ASCC2: variants seen among roughly 807,000 people sequenced by gnomAD.
The protein encoded by ASCC2 is ASC-1 complex subunit P100.
ASCC2 carries 42 observed loss-of-function variants against 93.5 expected under a neutral mutation model. The ratio of observed to expected loss-of-function variants is 0.45; its 90% CI spans 0.35 to 0.58. The LOEUF (loss-of-function observed/expected upper bound fraction) is 0.58, where lower values mean the gene tolerates loss of function less well. Ranked by LOEUF, ASCC2 falls within the 20% of genes least tolerant of loss-of-function variation. The pLI is 0.00. For synonymous variants in ASCC2, 364 were observed against 384.2 expected (o/e 0.95, Z 0.62); for missense variants, 859 against 977.6 (o/e 0.88, Z 1.62).
chr22:29,830,208 G>A (rs1302182933), intron 2 of ASCC2, among the ~76,000 whole-genome samples: 2 of 152,102 alleles, frequency 1.3e-5, no homozygotes, highest in African/African-American at 4.8e-5. Context: ...TCATTCACAG[G>A]CATCTCATTT....
chr22:29,821,958 C>G (rs1318933116), intron 5 of ASCC2: 2 of 449,864 alleles, frequency 4.4e-6, no homozygotes, highest in Non-Finnish European at 8.9e-6. Flanking sequence ...ATGATTGCGC[C>G]ACTGCACTCT....
In ASCC2 at chr22:29,825,177, G is replaced by A. The variant is rs2062140153; in HGVS notation, c.321C>T (p.Ala107=). Residue 107 remains alanine, a synonymous_variant, in exon 4 of 20, where the codon GCC becomes GCT. Coordinates refer to ENST00000307790, the MANE Select transcript of ASCC2 (RefSeq NM_032204.5). This position sits in a 1 kb window ranked among gnomAD's most constrained non-coding sequence, Gnocchi z 4.9. ...YVPRKFDEGV[A]SAPEVVDMQK... ...GCATGTCAACAACCTCAGGGGCTGA[G>A]GCCACCCCCTCGTCGAATTTGCGGG... 1 of 1,564,464 alleles carries A rather than the reference G, an allele frequency of 6.4e-7. No homozygotes were observed. The highest frequency in any genetic ancestry group is 1.2e-5 in the South Asian group (1 of 84,926).
chr22:29,790,222 G>A (rs2068818369), intron 19 of ASCC2, among the ~76,000 whole-genome samples: 1 of 152,230 alleles, frequency 6.6e-6, no homozygotes, highest in Non-Finnish European at 1.5e-5. Context: ...GAGCCATCTG[G>A]GCTCCATCTT....
chr22:29,822,337 A>G lies in ASCC2; in HGVS notation c.539T>C (p.Ile180Thr). Residue 180 changes from isoleucine to threonine, a missense_variant and splice_region_variant, in exon 5 of 20, where the codon ATA (isoleucine) becomes ACA (threonine). By Grantham distance (89) the Ile-to-Thr change is moderately conservative (BLOSUM62 -1). Coordinates refer to ENST00000307790, the MANE Select transcript of ASCC2 (RefSeq NM_032204.5). ...TCCCAGTCCTGCATCCTACACACCT[A>G]TCATCTTCTGGAGCAGTGGTGAGTT... ...KGNSPLLQKMIGNIFTQQPSY... is the reference protein window; with the variant it reads ...KGNSPLLQKMTGNIFTQQPSY... The G allele has an allele frequency of 6.2e-7, 1 of 1,613,736 alleles. No individual in the cohort carries two copies.
intron 7 of ASCC2, among the ~76,000 whole-genome samples, chr22:29,813,795 C>CTTCCAGTTCTAAGATAATACAGT (rs1350615755): frequency 3.9e-5 from 6 of 152,222 alleles, no homozygotes; most frequent in Admixed American, 2.6e-4. Flanking sequence ...GCTAGGGTTA[C>CTTCCAGTTCTAAGATAATACAGT]TTCCAGTTCT....
At chr22:29,791,730 T>C (rs973437429) in intron 18 of ASCC2, among the ~76,000 whole-genome samples, 1 of 152,058 alleles carries the variant, frequency 6.6e-6, no homozygotes, top group Non-Finnish European at 1.5e-5. Flanking sequence ...ACAAAACTGG[T>C]AGGTTTTACA....
chr22:29,806,772 C>G (rs1419555021), intron 10 of ASCC2, 25 bp downstream of exon 10: 4 of 1,575,460 alleles, frequency 2.5e-6, no homozygotes, highest in Non-Finnish European at 3.5e-6. Context: ...ACTCTTCCAC[C>G]AGGAGGCAAT....
At chr22:29,818,721 TCA>T (rs2061198499) in intron 5 of ASCC2, among the ~76,000 whole-genome samples, 1 of 152,058 alleles carries the variant, frequency 6.6e-6, no homozygotes, top group African/African-American at 2.4e-5. Context: ...GTAGGCTTTC[TCA>T]CTCTCCCATC....
intron 12 of ASCC2, 124 bp downstream of exon 12, chr22:29,806,084 ACCTCGGAC>A: frequency 1.0e-6 from 1 of 958,642 alleles, no homozygotes; most frequent in Non-Finnish European, 1.6e-6. Context: ...TTGGCAGGCC[ACCTCGGAC>A]AGCTGGCTGA....
intron 14 of ASCC2, 142 bp downstream of exon 14, chr22:29,801,852 C>T (rs1031397986): frequency 3.1e-5 from 24 of 767,322 alleles, no homozygotes; most frequent in Non-Finnish European, 4.5e-5. Flanking sequence ...TTTATGTTTC[C>T]CCAAAGAGGG....
rs1345900902 is a variant in ASCC2, at chr22:29,822,317, G to C, written c.541+18C>G. ...GGGGCCATCTTGGTGCATCCTCCCA[G>C]TCCTGCATCCTACACACCTATCATC... On this transcript the variant is annotated intron_variant, in intron 5 of 19. Transcript: ENST00000307790. 2 of 1,613,488 alleles carry C rather than the reference G, an allele frequency of 1.2e-6. No homozygotes were observed.
intron 8 of ASCC2, among the ~76,000 whole-genome samples, chr22:29,811,851 T>C (rs1569399074): frequency 6.6e-6 from 1 of 152,256 alleles, no homozygotes; most frequent in Non-Finnish European, 1.5e-5. Context: ...ATGCCTATGA[T>C]AAGCGAAAAT....
At chr22:29,802,919 G>C (rs941463014) in intron 13 of ASCC2, among the ~76,000 whole-genome samples, 9 of 150,322 alleles carry the variant, frequency 6.0e-5, no homozygotes, top group Non-Finnish European at 8.9e-5. Context: ...CTGGGTGACA[G>C]AGCAAGACCC....
intron 11 of ASCC2, 78 bp downstream of exon 11, chr22:29,806,390 GAGCTGTGGTGGGCCTAT>G (rs2059681164): frequency 6.4e-7 from 1 of 1,568,086 alleles, no homozygotes; most frequent in Non-Finnish European, 8.8e-7. Flanking sequence ...GACCTTATTA[GAGCTGTGGTGGGCCTAT>G]AGCGGGGGTC....
rs565306711 is a variant in ASCC2, at chr22:29,825,151, T to C, written c.347A>G (p.Gln116Arg). ...AAAAACACTTCGATGGAGGCGCTTCTGCATGTCAACAACCTCAGGGGCTGA... is the reference window on the plus strand; with the variant it reads ...AAAAACACTTCGATGGAGGCGCTTCCGCATGTCAACAACCTCAGGGGCTGA... ...VASAPEVVDM[Q>R]KRLHRSVFLT... Residue 116 changes from glutamine (Q) to arginine (R), a missense_variant, in exon 4 of 20, where the codon CAG (glutamine) becomes CGG (arginine). By Grantham distance (43) the Gln-to-Arg change is conservative. Transcript: ENST00000307790. This position sits in a 1 kb window ranked among gnomAD's most constrained non-coding sequence, Gnocchi z 4.9. 33 of 1,555,824 alleles carry C rather than the reference T, an allele frequency of 2.1e-5. No individual in the cohort carries two copies. The highest frequency in any genetic ancestry group is 2.9e-5 in the Non-Finnish European group (33 of 1,152,738).
At position 29,797,804 on chromosome 22, in the gene ASCC2, T is replaced by A. The variant is rs188488477; in HGVS notation, c.1688+3187A>T. ...TTTTGAGACAGGGTTTCACTCTTGT[T>A]GCCCAGGATGGCGTGCAATGGTGTG... On this transcript the variant is annotated intron_variant, in intron 15 of 19. Coordinates refer to ENST00000307790, the MANE Select transcript of ASCC2 (RefSeq NM_032204.5). Among the ~76,000 whole-genome samples the A allele has an allele frequency of 2.2e-3, 335 of 152,348 alleles. 1 individual carries two copies. The highest frequency in any genetic ancestry group is 7.8e-3 in the African/African-American group (323 of 41,584).
rs578021549 is a variant in ASCC2, at chr22:29,802,171, C to T, written c.1391G>A (p.Cys464Tyr). The change falls in exon 14 of 20, where the codon TGT becomes TAT. Residue 464 changes from cysteine to tyrosine, a missense_variant. Cys to Tyr is a radical substitution (Grantham distance 194, BLOSUM62 -2). Transcript: ENST00000307790. ...GATGAGAGAGTCCAGTTCCACCCCA[C>T]ACATGGCAGGGCCCACAGCCGCGGC... is the stretch of plus-strand genomic sequence containing the variant. ...GAAAAVGPAM[C>Y]GVELDSLISQ... 6.2e-7 allele frequency: 1 copy of T among 1,614,110 alleles called. No individual in the cohort carries two copies. The highest frequency in any genetic ancestry group is 1.7e-5 in the Admixed American group (1 of 60,014).
chr22:29,823,079 C>T (rs571571580), intron 4 of ASCC2, among the ~76,000 whole-genome samples: 1 of 151,984 alleles, frequency 6.6e-6, no homozygotes, highest in African/African-American at 2.4e-5. Context: ...TGCTCTGTTG[C>T]CCAGGCTGGA....
At chr22:29,811,039 A>AT (rs553038887) in intron 8 of ASCC2, among the ~76,000 whole-genome samples, 7 of 152,084 alleles carry the variant, frequency 4.6e-5, no homozygotes, top group Non-Finnish European at 1.0e-4. Context: ...CCTCTGTAGT[A>AT]TTTTTTTGTA....
Sources: allele counts gnomAD v4.1 joint callset (sites outside exome capture counted in the v4.1 genomes callset), GRCh38; gene constraint gnomAD v4.1.1; non-coding constraint Gnocchi (gnomAD v3.1); transcripts MANE v1.5; gene names NCBI Gene and HGNC (gene_info 2026-07-23, HGNC 2026-07-21).